ADGRL1: variants seen among roughly 807,000 people sequenced by gnomAD.
The protein encoded by ADGRL1 is CIRL-1.
ADGRL1 carries 31 observed loss-of-function variants against 148.9 expected under a neutral mutation model. The ratio of observed to expected loss-of-function variants is 0.21; its 90% confidence interval spans 0.16 to 0.28. The LOEUF (loss-of-function observed/expected upper bound fraction) is 0.28, where lower values mean the gene tolerates loss of function less well. Among genes scored for constraint, ADGRL1 ranks in the 10% least tolerant of loss-of-function variants. ADGRL1 has a pLI of 1.00. For missense variants in ADGRL1, 1,521 were observed against 2,058.8 expected (o/e 0.74, Z 5.05); for synonymous variants, 937 against 900.3 (o/e 1.04, Z -0.73).
rs893796410 is a variant in ADGRL1 at position 14,151,041 on chromosome 19, G to A, written c.4242C>T (p.Pro1414=). 4.0e-6 allele frequency: 6 copies of A among 1,506,892 alleles called. No homozygotes were observed. The highest frequency in any genetic ancestry group is 5.3e-6 in the Non-Finnish European group (6 of 1,125,328). The allele number at this position is 1,506,892 out of a possible 1,614,324, so 93.3% of individuals were successfully genotyped here. A position where few individuals can be genotyped will look rare whatever the true frequency, so the allele number is the denominator to read the frequency against. Residue 1414 remains proline (P), a synonymous_variant, in exon 23 of 23, where the codon CCC becomes CCT. Coordinates refer to ENST00000361434, the MANE Select transcript of ADGRL1 (RefSeq NM_014921.5). Reference sequence around the variant, plus strand: ...GGCGCGAGGTGTAGTAGATTTCGGGGGGGCCGGGGGGTGCGGGAGGGGGTG... The same window carrying A: ...GGCGCGAGGTGTAGTAGATTTCGGGAGGGCCGGGGGGTGCGGGAGGGGGTG... The part of the protein sequence containing the change: ...LPPPPPAPPG[P]PEIYYTSRPP...
chr19:14,183,503 C>T (rs771531737), intron 2 of ADGRL1, 30 bp downstream of exon 2: 19 of 1,547,392 alleles, frequency 1.2e-5, no homozygotes, highest in Non-Finnish European at 1.5e-5. Context: ...TTGGGAGCCG[C>T]GGCCCCTCCC....
chr19:14,159,908 T>C lies in ADGRL1; in HGVS notation c.1801-135A>G. The C allele has an allele frequency of 9.9e-7, 1 of 1,008,308 alleles. No individual in the cohort carries two copies. The highest frequency in any genetic ancestry group is 2.2e-4 in the Middle Eastern group (1 of 4,588). 62.5% of individuals were successfully genotyped at this position (1,008,308 alleles called of 1,614,324 possible). On this transcript the variant is annotated intron_variant, in intron 8 of 22. Transcript: ENST00000361434. This position sits in a 1 kb window ranked among gnomAD's most constrained non-coding sequence, Gnocchi z 6.0. ...GGCTGGGCTATCAGCAAGACATTCC[T>C]CAGGGATCCCCAACCCCCAGGACCA... is the stretch of plus-strand genomic sequence containing the variant.
In ADGRL1 at chr19:14,160,264, T is replaced by C. The variant is rs1379043423; in HGVS notation, c.1648A>G (p.Ser550Gly). The change falls in exon 8 of 23, where the codon AGC becomes GGC. Residue 550 changes from serine to glycine, a missense_variant. Physicochemically the swap from Ser to Gly is moderately conservative, Grantham distance 56. Around this residue, in one of 8 missense-constraint regions of ADGRL1, gnomAD observed 270 missense variants for 320.4 expected, o/e 0.84. Coordinates refer to ENST00000361434, the MANE Select transcript of ADGRL1 (RefSeq NM_014921.5). This position sits in a 1 kb window ranked among gnomAD's most constrained non-coding sequence, Gnocchi z 5.9. ...KSGENAANIA[S>G]ELARHTRGSI... ...CCCCGGGTGTGTCGGGCCAGCTCGC[T>C]GGCGATGTTGGCCGCGTTCTCCCCA... The C allele has an allele frequency of 2.5e-6, 4 of 1,592,770 alleles. No homozygotes were observed.
At chr19:14,169,607 A>T (rs1208014139) in intron 4 of ADGRL1, 1 of 152,226 alleles carries the variant, frequency 6.6e-6, no homozygotes, top group Non-Finnish European at 1.5e-5. Flanking sequence ...CCCAGCATCG[A>T]GTCACCTGTG....
chr19:14,166,195 C>T (rs1441119037), intron 4 of ADGRL1, among the ~76,000 whole-genome samples: 1 of 151,928 alleles, frequency 6.6e-6, no homozygotes, highest in East Asian at 1.9e-4. Flanking sequence ...AGAGAACACG[C>T]TCCCCCACCC....
chr19:14,169,605 C>G (rs534040165), intron 4 of ADGRL1: 1 of 152,238 alleles, frequency 6.6e-6, no homozygotes, highest in Non-Finnish European at 1.5e-5. Flanking sequence ...TCCCCAGCAT[C>G]GAGTCACCTG....
intron 1 of ADGRL1, among the ~76,000 whole-genome samples, chr19:14,191,966 G>A (rs1376702895): frequency 6.6e-6 from 1 of 152,096 alleles, no homozygotes; most frequent in African/African-American, 2.4e-5. Flanking sequence ...CCAAAGTGCT[G>A]GGATTACAGG....
intron 1 of ADGRL1, among the ~76,000 whole-genome samples, chr19:14,189,806 G>A (rs879414447): frequency 3.3e-5 from 5 of 152,206 alleles, no homozygotes; most frequent in African/African-American, 1.2e-4. Context: ...TATGTGTTGT[G>A]AAGTGATTAC....
intron 15 of ADGRL1, 82 bp downstream of exon 15, chr19:14,156,843 C>T (rs1467934253): frequency 1.1e-5 from 17 of 1,534,612 alleles, no homozygotes; most frequent in Admixed American, 5.5e-5. Context: ...AAGGGACTAC[C>T]GCCCTGAGGG....
rs375528213 is a variant in ADGRL1, at chr19:14,150,965, G to T, written c.4318C>A (p.Arg1440Ser). 6 of 1,602,818 alleles carry T rather than the reference G, an allele frequency of 3.7e-6. No homozygotes were observed. The South Asian group carries it at 5.6e-5, about 15-fold the overall frequency. ...NPLQGYYQVRRPSHEGYLAAP... is the reference protein window; with the variant it reads ...NPLQGYYQVRSPSHEGYLAAP... ...GCCAGGTAGCCCTCGTGGCTAGGAC[G>T]CCGCACCTGGTAGTAGCCCTGCAGG... is the stretch of plus-strand genomic sequence containing the variant. The change falls in exon 23 of 23, where the codon CGT (arginine) becomes AGT (serine). Residue 1440 changes from arginine to serine, a missense_variant. Arg to Ser is a moderately radical substitution (Grantham distance 110). Coordinates refer to ENST00000361434, the MANE Select transcript of ADGRL1 (RefSeq NM_014921.5).
chr19:14,196,803 A>C (rs1972290553), intron 1 of ADGRL1, among the ~76,000 whole-genome samples: 1 of 151,720 alleles, frequency 6.6e-6, no homozygotes, highest in Non-Finnish European at 1.5e-5. Context: ...ACACTCCTAC[A>C]CCATGTCCTG....
At chr19:14,192,771 G>A (rs1360093630) in intron 1 of ADGRL1, among the ~76,000 whole-genome samples, 1 of 151,960 alleles carries the variant, frequency 6.6e-6, no homozygotes, top group Non-Finnish European at 1.5e-5. Flanking sequence ...GGCTGCTCTC[G>A]AACTCCCAAC....
chr19:14,177,158 G>A (rs1236002994), intron 3 of ADGRL1, among the ~76,000 whole-genome samples: 1 of 152,112 alleles, frequency 6.6e-6, no homozygotes, highest in East Asian at 1.9e-4. Context: ...CTAAACCCAG[G>A]AGGTGGAGGT....
rs926828448 is a variant in ADGRL1 at position 14,148,763 on chromosome 19, G to T, written c.*2110C>A. 3 of 152,718 alleles carry T rather than the reference G, an allele frequency of 2.0e-5. No homozygotes were observed. Among genetic ancestry groups the T allele is most frequent in the African/African-American group, 7.2e-5 (3 of 41,438 alleles). The allele number at this position is 152,718 out of a possible 1,614,324, so 9.5% of individuals were successfully genotyped here. ...CCAACCCCACCTCTTCCCCACACCT[G>T]TTCCCTTACACGGGACAAACCACCA... On this transcript the variant is annotated 3_prime_UTR_variant, in exon 23 of 23. Coordinates refer to ENST00000361434, the MANE Select transcript of ADGRL1 (RefSeq NM_014921.5).
At chr19:14,184,366 T>G (rs1971428964) in intron 1 of ADGRL1, among the ~76,000 whole-genome samples, 2 of 150,230 alleles carry the variant, frequency 1.3e-5, no homozygotes, top group Non-Finnish European at 3.0e-5. Context: ...TTGTGTGCTG[T>G]CCCCTGCCAT....
chr19:14,190,265 T>C (rs975990114), intron 1 of ADGRL1, among the ~76,000 whole-genome samples: 3 of 151,106 alleles, frequency 2.0e-5, no homozygotes, highest in African/African-American at 7.3e-5. Context: ...ACCTTAGGTC[T>C]CTGGAACTTT....
chr19:14,187,628 C>T (rs1457283853), intron 1 of ADGRL1, among the ~76,000 whole-genome samples: 4 of 148,980 alleles, frequency 2.7e-5, no homozygotes, highest in Non-Finnish European at 3.0e-5. Context: ...CTAGACACGG[C>T]CAGTGTCACT....
chr19:14,180,039 G>T (rs1374853256), intron 2 of ADGRL1, among the ~76,000 whole-genome samples: 1 of 152,148 alleles, frequency 6.6e-6, no homozygotes, highest in Non-Finnish European at 1.5e-5. Context: ...AGCCCTGTAG[G>T]TGGTCTATCA....
At chr19:14,188,925 C>A (rs867133729) in intron 1 of ADGRL1, among the ~76,000 whole-genome samples, 2 of 152,078 alleles carry the variant, frequency 1.3e-5, no homozygotes, top group African/African-American at 2.4e-5. Flanking sequence ...AGGCGCCCAC[C>A]ACCACGAGCA....
Sources: allele counts gnomAD v4.1 joint callset (sites outside exome capture counted in the v4.1 genomes callset), GRCh38; gene constraint gnomAD v4.1.1; regional missense constraint gnomAD v4.1.1; non-coding constraint Gnocchi (gnomAD v3.1); transcripts MANE v1.5; gene names NCBI Gene and HGNC (gene_info 2026-07-23, HGNC 2026-07-21).